SCFD2: variants seen among roughly 807,000 people sequenced by gnomAD.
SCFD2 encodes sec1 family domain-containing protein 2.
SCFD2 carries 54 observed loss-of-function variants against 58.9 expected under a neutral mutation model. The ratio of observed to expected loss-of-function variants is 0.92; its 90% CI spans 0.74 to 1.15. SCFD2 has a LOEUF of 1.15. Among genes scored for constraint, SCFD2 ranks in the 50% most tolerant of loss-of-function variants. The pLI is 0.00. For missense variants in SCFD2, 805 were observed against 836.6 expected, an observed-to-expected ratio of 0.96 and a Z score of 0.47; for synonymous variants, 321 against 335.9, an observed-to-expected ratio of 0.96 and a Z score of 0.49.
chr4:53,212,002 T>G (rs1728627474), intron 4 of SCFD2, among the ~76,000 whole-genome samples: 1 of 152,112 alleles, frequency 6.6e-6, no homozygotes, highest in African/African-American at 2.4e-5. Flanking sequence ...CAAGGCTAAT[T>G]TCTGCCTAGC....
At chr4:53,256,664 TA>T (rs1397100046) in intron 4 of SCFD2, among the ~76,000 whole-genome samples, 50 of 152,062 alleles carry the variant, frequency 3.3e-4, no homozygotes, top group Non-Finnish European at 2.9e-5. Flanking sequence ...CACTCGCGAT[TA>T]GGAGCTGGAG....
At chr4:53,336,116 A>G (rs1384090953) in intron 2 of SCFD2, among the ~76,000 whole-genome samples, 19 of 152,198 alleles carry the variant, frequency 1.2e-4, no homozygotes, top group Non-Finnish European at 2.1e-4. Context: ...TCCTCATAGA[A>G]ATAGGGTAAT....
At chr4:53,135,308 A>C (rs769251535) in intron 5 of SCFD2, among the ~76,000 whole-genome samples, 6 of 152,218 alleles carry the variant, frequency 3.9e-5, no homozygotes, top group Non-Finnish European at 4.4e-5. Context: ...CCCCAATAAG[A>C]TTTATTTGAC....
At chr4:53,149,353 G>C (rs1417040741) in intron 4 of SCFD2, among the ~76,000 whole-genome samples, 1 of 152,200 alleles carries the variant, frequency 6.6e-6, no homozygotes, top group Non-Finnish European at 1.5e-5. Context: ...CCAAATGTAA[G>C]ACTTCCCAGT....
At chr4:53,262,057 A>G (rs1472259920) in intron 4 of SCFD2, among the ~76,000 whole-genome samples, 1 of 152,108 alleles carries the variant, frequency 6.6e-6, no homozygotes, top group Non-Finnish European at 1.5e-5. Context: ...TTTGTCTGAT[A>G]TAAGAATAGC....
chr4:53,258,738 T>C (rs1730737365), intron 4 of SCFD2, among the ~76,000 whole-genome samples: 1 of 151,940 alleles, frequency 6.6e-6, no homozygotes, highest in South Asian at 2.1e-4. Context: ...TCTGGGTAGA[T>C]ACCTAGTAGT....
chr4:53,171,263 A>G (rs1021213129), intron 4 of SCFD2, among the ~76,000 whole-genome samples: 7 of 152,206 alleles, frequency 4.6e-5, no homozygotes, highest in Admixed American at 3.9e-4. Flanking sequence ...TGCATCTAAT[A>G]AGATGATCAT....
At chr4:53,128,306 G>A (rs1165361900) in intron 5 of SCFD2, among the ~76,000 whole-genome samples, 1 of 152,146 alleles carries the variant, frequency 6.6e-6, no homozygotes, top group Non-Finnish European at 1.5e-5. Flanking sequence ...CTGACCTGAT[G>A]TGTAACAGCT....
At chr4:53,204,288 G>T (rs567498338) in intron 4 of SCFD2, among the ~76,000 whole-genome samples, 3 of 151,818 alleles carry the variant, frequency 2.0e-5, no homozygotes, top group Non-Finnish European at 4.4e-5. Flanking sequence ...TTTTAAAAAA[G>T]CAATTTGGAA....
At chr4:52,906,239 T>G (rs1560477020) in intron 7 of SCFD2, among the ~76,000 whole-genome samples, 1 of 152,170 alleles carries the variant, frequency 6.6e-6, no homozygotes, top group Non-Finnish European at 1.5e-5. Flanking sequence ...GAGGGCATAT[T>G]GGCATTTGGG....
chr4:53,096,718 A>C (rs1425602788), intron 5 of SCFD2, among the ~76,000 whole-genome samples: 1 of 152,214 alleles, frequency 6.6e-6, no homozygotes, highest in Non-Finnish European at 1.5e-5. Flanking sequence ...CTTTCATTTA[A>C]TTAGATCCCA....
At chr4:53,010,892 A>G (rs1401746277) in intron 5 of SCFD2, among the ~76,000 whole-genome samples, 2 of 152,182 alleles carry the variant, frequency 1.3e-5, no homozygotes, top group Non-Finnish European at 2.9e-5. Flanking sequence ...TAGAATGGTG[A>G]CAATTTAAAA....
chr4:52,920,738 T>C lies in SCFD2; in HGVS notation c.1694A>G (p.Asn565Ser). 1 of 1,603,656 alleles carries C rather than the reference T, an allele frequency of 6.2e-7. No homozygotes were observed. The highest frequency in any genetic ancestry group is 1.3e-5 in the African/African-American group (1 of 74,188). Residue 565 changes from asparagine (N) to serine (S), a missense_variant, in exon 6 of 9, where the codon AAT (asparagine) becomes AGT (serine). Around this residue, in one of 3 missense-constraint regions of SCFD2, gnomAD observed 633 missense variants for 646.8 expected, o/e 0.98. Transcript: ENST00000401642. ...GTATATACTTGCCTGGTGGGTATGA[T>C]TTCCAGGAACATATACAGACTTAAA... ...KQFKSVYVPG[N>S]HTHQASYKPL...
chr4:53,107,772 T>C (rs1725048612), intron 5 of SCFD2, among the ~76,000 whole-genome samples: 1 of 152,152 alleles, frequency 6.6e-6, no homozygotes, highest in Non-Finnish European at 1.5e-5. Context: ...CACACAATCA[T>C]AGTGGAAGAC....
intron 5 of SCFD2, among the ~76,000 whole-genome samples, chr4:52,935,383 C>T (rs73144927): frequency 0.016 from 2,405 of 152,248 alleles, 79 homozygotes; most frequent in African/African-American, 0.055. Flanking sequence ...GCAATTCCAC[C>T]TTGAAAGCTA....
At chr4:53,045,268 T>C (rs1377269263) in intron 5 of SCFD2, among the ~76,000 whole-genome samples, 2 of 152,212 alleles carry the variant, frequency 1.3e-5, no homozygotes, top group Admixed American at 1.3e-4. Context: ...TTATTATTTG[T>C]TTTATAGTGT....
chr4:53,197,701 C>CAAATATCCA (rs2148963956), intron 4 of SCFD2, among the ~76,000 whole-genome samples: 1 of 121,088 alleles, frequency 8.3e-6, no homozygotes, highest in South Asian at 2.6e-4. Flanking sequence ...TCTCCAATTG[C>CAAATATCCA]AAATATCCAG....
At chr4:53,067,200 G>A (rs937610795) in intron 5 of SCFD2, among the ~76,000 whole-genome samples, 2 of 151,892 alleles carry the variant, frequency 1.3e-5, no homozygotes, top group African/African-American at 4.8e-5. Flanking sequence ...CTGCTATAGG[G>A]ACCATGGAGC....
At chr4:53,271,706 G>T (rs566373377) in intron 4 of SCFD2, among the ~76,000 whole-genome samples, 12 of 152,028 alleles carry the variant, frequency 7.9e-5, no homozygotes, top group African/African-American at 2.9e-4. Context: ...CAAGTGATCC[G>T]CCCACCTCGG....
Sources: gnomAD v4.1 joint callset for allele counts (sites outside exome capture counted in the v4.1 genomes callset) on GRCh38, gnomAD v4.1.1 for gene constraint, gnomAD v4.1.1 regional missense constraint, MANE v1.5 for transcripts, NCBI Gene and HGNC (gene_info 2026-07-23, HGNC 2026-07-21) for gene names.